DCC: variants seen among roughly 807,000 people sequenced by gnomAD.
DCC encodes the protein DCC netrin 1 receptor, also known as netrin receptor DCC.
DCC carries 58 observed loss-of-function variants against 172.5 expected under a neutral mutation model. The ratio of observed to expected loss-of-function variants is 0.34; its 90% CI spans 0.27 to 0.42. The LOEUF is 0.42. Ranked by LOEUF, DCC falls within the 10% of genes least tolerant of loss-of-function variation. The pLI is 1.00. For synonymous variants in DCC, 709 were observed against 644.5 expected (o/e 1.10, Z -1.52); for missense variants, 1,740 against 1,791.0 (o/e 0.97, Z 0.51).
intron 12 of DCC, among the ~76,000 whole-genome samples, chr18:53,280,720 T>A (rs56027651): frequency 0.26 from 39,129 of 152,064 alleles, 6,770 homozygotes; most frequent in Non-Finnish European, 0.39. Flanking sequence ...TGGTTCTGAA[T>A]GTAACCACTA....
intron 10 of DCC, among the ~76,000 whole-genome samples, chr18:53,207,352 T>C (rs1351191543): frequency 5.3e-5 from 8 of 152,214 alleles, no homozygotes; most frequent in Non-Finnish European, 1.0e-4. Flanking sequence ...AGAAAATCTC[T>C]GTTCCCATGG....
chr18:52,469,604 A>G (rs1158216104), intron 1 of DCC, among the ~76,000 whole-genome samples: 1 of 152,244 alleles, frequency 6.6e-6, no homozygotes, highest in African/African-American at 2.4e-5. Flanking sequence ...TACATTTTAC[A>G]AAAATTGTAA....
chr18:53,337,770 C>T (rs1239687760), intron 14 of DCC, among the ~76,000 whole-genome samples: 1 of 152,194 alleles, frequency 6.6e-6, no homozygotes, highest in Admixed American at 6.5e-5. Flanking sequence ...ATGCTTCTAT[C>T]TATCACTTAA....
At chr18:52,496,446 AAG>A in intron 1 of DCC, among the ~76,000 whole-genome samples, 1 of 152,274 alleles carries the variant, frequency 6.6e-6, no homozygotes, top group East Asian at 1.9e-4. Flanking sequence ...AACATCAGAA[AAG>A]TTATTCAGGA....
At chr18:52,421,514 C>T (rs1987247388) in intron 1 of DCC, among the ~76,000 whole-genome samples, 1 of 152,198 alleles carries the variant, frequency 6.6e-6, no homozygotes, top group Non-Finnish European at 1.5e-5. Flanking sequence ...CAATCCCAGC[C>T]TTGCTGCTGC....
At chr18:52,344,248 C>G (rs181004549) in intron 1 of DCC, among the ~76,000 whole-genome samples, 8 of 152,184 alleles carry the variant, frequency 5.3e-5, no homozygotes, top group African/African-American at 1.4e-4. Context: ...GAATGAAGCT[C>G]TGCTGAAAGT....
intron 22 of DCC, among the ~76,000 whole-genome samples, chr18:53,441,068 A>C (rs922046866): frequency 1.8e-4 from 28 of 152,202 alleles, no homozygotes; most frequent in African/African-American, 6.5e-4. Flanking sequence ...TCCATGTTGT[A>C]GCAATCCAAA....
At chr18:52,952,654 A>G (rs2040669666) in intron 5 of DCC, among the ~76,000 whole-genome samples, 1 of 152,114 alleles carries the variant, frequency 6.6e-6, no homozygotes, top group Non-Finnish European at 1.5e-5. Flanking sequence ...AAACAGAGCT[A>G]ATTTACTTCT....
intron 21 of DCC, among the ~76,000 whole-genome samples, chr18:53,420,479 T>C (rs1205759876): frequency 1.3e-5 from 2 of 152,130 alleles, no homozygotes; most frequent in African/African-American, 4.8e-5. Flanking sequence ...CGCTATATAC[T>C]GGGTGGGTTA....
At chr18:53,323,065 C>T (rs12962118) in intron 14 of DCC, among the ~76,000 whole-genome samples, 51 of 152,100 alleles carry the variant, frequency 3.4e-4, no homozygotes, top group African/African-American at 1.2e-3. Flanking sequence ...ATGAAATTCT[C>T]TTACTCCTTA....
chr18:53,236,102 G>C (rs2056199251), intron 12 of DCC, among the ~76,000 whole-genome samples: 1 of 151,928 alleles, frequency 6.6e-6, no homozygotes, highest in African/African-American at 2.4e-5. Flanking sequence ...TAGATATTTA[G>C]AAGTAAAACT....
chr18:53,051,923 A>G (rs1252061664), intron 5 of DCC, among the ~76,000 whole-genome samples: 1 of 152,052 alleles, frequency 6.6e-6, no homozygotes, highest in Non-Finnish European at 1.5e-5. Context: ...TTGAATATAT[A>G]TTCTGTCCCA....
chr18:52,775,542 G>GGA (rs1411078222), intron 2 of DCC, among the ~76,000 whole-genome samples: 6 of 152,204 alleles, frequency 3.9e-5, no homozygotes, highest in Admixed American at 1.3e-4. Context: ...GAGCCAGAAG[G>GGA]GAGATGGTTT....
At chr18:52,883,505 G>A (rs1403804584) in intron 2 of DCC, among the ~76,000 whole-genome samples, 3 of 151,420 alleles carry the variant, frequency 2.0e-5, no homozygotes, top group Non-Finnish European at 4.4e-5. Flanking sequence ...GTTACCATGA[G>A]GCTTGCAAAG....
intron 5 of DCC, among the ~76,000 whole-genome samples, chr18:52,991,853 T>C (rs2041397644): frequency 6.6e-6 from 1 of 152,216 alleles, no homozygotes; most frequent in Non-Finnish European, 1.5e-5. Flanking sequence ...TGCCAGGAAC[T>C]GTAGTAAGTG....
At chr18:53,333,115 A>T (rs1469976265) in intron 14 of DCC, among the ~76,000 whole-genome samples, 1 of 151,872 alleles carries the variant, frequency 6.6e-6, no homozygotes, top group Non-Finnish European at 1.5e-5. Flanking sequence ...TAGAAATAGG[A>T]TGGTAAAAGA....
chr18:53,476,890 A>G (rs2045769765), intron 25 of DCC, among the ~76,000 whole-genome samples: 3 of 152,232 alleles, frequency 2.0e-5, no homozygotes, highest in African/African-American at 7.2e-5. Context: ...AGACAATAGA[A>G]TATGTATATT....
In DCC at chr18:53,433,596, C is replaced by T. The variant is rs559633524; in HGVS notation, c.3164-1548C>T. Reference sequence around the variant, plus strand: ...AGAGCTTCCACCTCACATCAGCCAACGTTGATCTCACGATGTCTCGTGGGC... The same window carrying T: ...AGAGCTTCCACCTCACATCAGCCAATGTTGATCTCACGATGTCTCGTGGGC... On this transcript the variant is annotated intron_variant, in intron 21 of 28. Transcript: ENST00000442544. 5.7e-4 allele frequency among the ~76,000 whole-genome samples: 87 copies of T among 152,276 alleles called. 1 individual carries two copies. In the Middle Eastern group the frequency reaches 0.024, roughly 42 times the overall value.
chr18:52,394,917 G>A (rs1265124980), intron 1 of DCC, among the ~76,000 whole-genome samples: 1 of 152,086 alleles, frequency 6.6e-6, no homozygotes, highest in African/African-American at 2.4e-5. Flanking sequence ...CTGCAGGGAT[G>A]TCTGACAGAT....
Sources: allele counts gnomAD v4.1 joint callset (sites outside exome capture counted in the v4.1 genomes callset), GRCh38; gene constraint gnomAD v4.1.1; transcripts MANE v1.5; gene names NCBI Gene and HGNC (gene_info 2026-07-23, HGNC 2026-07-21).